DCAF4: variants seen among roughly 807,000 people sequenced by gnomAD.
The protein encoded by DCAF4 is DDB1 and CUL4 associated factor 4.
DCAF4 carries 37 observed loss-of-function variants against 60.9 expected under a neutral mutation model. That is an observed-to-expected ratio of 0.61 (90% CI 0.47 to 0.80). The LOEUF is 0.80. DCAF4 is among the 30% of genes least tolerant of loss of function. The probability of loss-of-function intolerance (pLI) is 0.00; values close to 1 mark genes in which losing one functional copy is unlikely to be tolerated. For synonymous variants in DCAF4, 243 were observed against 254.8 expected (o/e 0.95, Z 0.44); for missense variants, 577 against 650.0 (o/e 0.89, Z 1.22).
rs565229070 is a variant in DCAF4, at chr14:72,928,187, C to CTTTTTTTTTTTTTTTTTTTTTTTT, written c.-9+1667_-9+1668insTTTTTTTTTTTTTTTTTTTTTTTT. 8.6e-4 allele frequency among the ~76,000 whole-genome samples: 58 copies of CTTTTTTTTTTTTTTTTTTTTTTTT among 67,270 alleles called. 7 individuals are homozygous for CTTTTTTTTTTTTTTTTTTTTTTTT. The highest frequency in any genetic ancestry group is 2.9e-3 in the African/African-American group (44 of 15,102). The allele number at this position is 67,270 out of a possible 152,430, so 44.1% of individuals were successfully genotyped here. A position where few individuals can be genotyped will look rare whatever the true frequency, so the allele number is the denominator to read the frequency against. Reference sequence around the variant, plus strand: ...CCCGCTAGTCTACAGAATCCCCCCACTTTTTTTTTTTTTTTTTTTTTTTGA... The same window carrying CTTTTTTTTTTTTTTTTTTTTTTTT: ...CCCGCTAGTCTACAGAATCCCCCCACTTTTTTTTTTTTTTTTTTTTTTTTTTTTTTTTTTTTTTTTTTTTTTTGA... On this transcript the variant is annotated intron_variant, in intron 1 of 13. Transcript: ENST00000358377.
chr14:72,943,076 G>A lies in DCAF4; in HGVS notation c.514G>A (p.Asp172Asn). 1 of 1,614,124 alleles carries A rather than the reference G, an allele frequency of 6.2e-7. No individual in the cohort carries two copies. Among genetic ancestry groups the A allele is most frequent in the Non-Finnish European group, 8.5e-7 (1 of 1,180,006 alleles). The change falls in exon 6 of 14, where the codon GAC (aspartate) becomes AAC (asparagine). Residue 172 changes from aspartate (D) to asparagine (N), a missense_variant. Transcript: ENST00000358377. ...CATGGATCCCTCCGCCTTGGCAAGC[G>A]ACCGATTTAACCTCATACTGGTGAG... ...RSMDPSALAS[D>N]RFNLILADTN...
chr14:72,960,157 A>T (rs1179961113), downstream of DCAF4, among the ~76,000 whole-genome samples: 10 of 143,960 alleles, frequency 6.9e-5, no homozygotes, highest in Admixed American at 5.6e-4. Flanking sequence ...AAAGAACCAA[A>T]TTTTTTTTTT....
At chr14:72,929,490 A>C in intron 1 of DCAF4, 3 of 642,278 alleles carry the variant, frequency 4.7e-6, no homozygotes, top group East Asian at 5.6e-5. Context: ...GGAGGCCAGA[A>C]ATTCGAGACC....
At chr14:72,954,019 C>G (rs1891935026) in intron 9 of DCAF4, 145 bp from the exon 10 acceptor site, 6 of 804,978 alleles carry the variant, frequency 7.5e-6, no homozygotes, top group Non-Finnish European at 1.2e-5. Context: ...AGCTGAGTCT[C>G]TCTTGCAACC....
In DCAF4 at chr14:72,953,763, AG is replaced by A. The variant is rs1176675777; in HGVS notation, c.809-400del. ...TATATATATATATATATATATATAT[AG>A]TTTATTTATTTATTTATTTGTGTGT... On this transcript the variant is annotated intron_variant, in intron 9 of 13. Coordinates refer to ENST00000358377, the MANE Select transcript of DCAF4 (RefSeq NM_015604.4). Among the ~76,000 whole-genome samples, 171 of 38,106 alleles carry A rather than the reference AG, an allele frequency of 4.5e-3. 15 individuals carry two copies. The highest frequency in any genetic ancestry group is 0.015 in the African/African-American group (158 of 10,546). 25.0% of individuals were successfully genotyped at this position (38,106 alleles called of 152,430 possible). A position where few individuals can be genotyped will look rare whatever the true frequency, so the allele number is the denominator to read the frequency against.
In DCAF4 at chr14:72,954,197, G is replaced by C. The variant is rs147365709; in HGVS notation, c.842G>C (p.Arg281Pro). Residue 281 changes from arginine (R) to proline (P), a missense_variant, in exon 10 of 14, where the codon CGG becomes CCG. Arg to Pro is a moderately radical substitution (Grantham distance 103, BLOSUM62 -2). Coordinates refer to ENST00000358377, the MANE Select transcript of DCAF4 (RefSeq NM_015604.4). ...CGGCCTGGCATGCTCTGCAGTTTCCGGATCCCTGGTGCCTGGTCCTGTGCC... is the reference window on the plus strand; with the variant it reads ...CGGCCTGGCATGCTCTGCAGTTTCCCGATCCCTGGTGCCTGGTCCTGTGCC... ...IDRPGMLCSF[R>P]IPGAWSCAWS... 1.2e-6 allele frequency: 2 copies of C among 1,614,114 alleles called. No homozygotes were observed. The highest frequency in any genetic ancestry group is 1.7e-6 in the Non-Finnish European group (2 of 1,180,020).
rs1892001609 is a variant in DCAF4, at chr14:72,954,460, T to C, written c.982T>C (p.Leu328=). ...GTCCTTTGGGACCAACAGTGATGTC[T>C]TGGCCCAGCAGTTTGCTCTCATGGT... is the stretch of plus-strand genomic sequence containing the variant. ...RQSFGTNSDV[L]AQQFALMAPL... is the part of the protein sequence containing the mutation. Residue 328 remains leucine, a synonymous_variant, in exon 11 of 14, where the codon TTG becomes CTG. Coordinates refer to ENST00000358377, the MANE Select transcript of DCAF4 (RefSeq NM_015604.4). 3 of 1,614,130 alleles carry C rather than the reference T, an allele frequency of 1.9e-6. No individual in the cohort carries two copies. In the South Asian group the frequency reaches 3.3e-5, roughly 18 times the overall value.
chr14:72,937,840 C>G, intron 1 of DCAF4, 131 bp from the exon 2 acceptor site: 1 of 1,358,862 alleles, frequency 7.4e-7, no homozygotes, highest in Non-Finnish European at 9.5e-7. Context: ...CTTGCTGTGG[C>G]AAATCTGATG....
chr14:72,960,157 A>ATTT (rs34676562), downstream of DCAF4, among the ~76,000 whole-genome samples: 7 of 143,960 alleles, frequency 4.9e-5, no homozygotes, highest in African/African-American at 1.3e-4. Flanking sequence ...AAAGAACCAA[A>ATTT]TTTTTTTTTT....
chr14:72,961,843 C>T (rs1381604763), downstream of DCAF4: 2 of 1,069,090 alleles, frequency 1.9e-6, no homozygotes, highest in East Asian at 7.6e-5. Flanking sequence ...TCTCTCCTTG[C>T]CCCCAAGGGC....
intron 1 of DCAF4, among the ~76,000 whole-genome samples, chr14:72,934,025 A>G (rs1450110424): frequency 2.0e-5 from 3 of 151,938 alleles, no homozygotes; most frequent in Admixed American, 1.3e-4. Context: ...CACTCCTCGC[A>G]CACCCAGAGT....
At chr14:72,936,262 G>A (rs979919879) in intron 1 of DCAF4, among the ~76,000 whole-genome samples, 1 of 152,084 alleles carries the variant, frequency 6.6e-6, no homozygotes, top group Non-Finnish European at 1.5e-5. Context: ...TTAGGACAAT[G>A]AATAAGATAA....
intron 5 of DCAF4, chr14:72,942,329 T>A (rs1023486086): frequency 1.9e-5 from 3 of 155,994 alleles, no homozygotes; most frequent in African/African-American, 7.2e-5. Context: ...AGTGATTTGC[T>A]CAAGGTAAAG....
intron 2 of DCAF4, among the ~76,000 whole-genome samples, chr14:72,939,463 A>G (rs1889728369): frequency 6.6e-6 from 1 of 152,238 alleles, no homozygotes; most frequent in African/African-American, 2.4e-5. Flanking sequence ...GTGCTGACAA[A>G]TGAGCCCAGC....
chr14:72,935,335 A>G (rs1594740376), intron 1 of DCAF4: 1 of 151,048 alleles, frequency 6.6e-6, no homozygotes, highest in African/African-American at 2.4e-5. Flanking sequence ...GCTCACTGCA[A>G]CCTCCGCCAC....
chr14:72,947,589 G>A (rs1327945900), intron 8 of DCAF4, among the ~76,000 whole-genome samples: 1 of 152,228 alleles, frequency 6.6e-6, no homozygotes, highest in Non-Finnish European at 1.5e-5. Flanking sequence ...CCGGAGGGCT[G>A]GTGTGGTAGC....
At chr14:72,941,353 A>C (rs961298464) in intron 4 of DCAF4, among the ~76,000 whole-genome samples, 7 of 152,228 alleles carry the variant, frequency 4.6e-5, no homozygotes, top group African/African-American at 1.7e-4. Context: ...ACAGGTCTAG[A>C]CGCTAACATA....
intron 1 of DCAF4, among the ~76,000 whole-genome samples, chr14:72,934,524 A>G (rs1303457161): frequency 2.0e-5 from 3 of 152,146 alleles, no homozygotes; most frequent in Non-Finnish European, 4.4e-5. Flanking sequence ...TGCTGACCTC[A>G]GGTGATCTGC....
intron 1 of DCAF4, among the ~76,000 whole-genome samples, chr14:72,927,488 G>A (rs748167200): frequency 8.8e-4 from 134 of 151,988 alleles, no homozygotes; most frequent in African/African-American, 2.9e-3. Context: ...CGTAGCTGGG[G>A]CTACAGGCGA....
Sources: gnomAD v4.1 joint callset for allele counts (sites outside exome capture counted in the v4.1 genomes callset) on GRCh38, gnomAD v4.1.1 for gene constraint, MANE v1.5 for transcripts, NCBI Gene and HGNC (gene_info 2026-07-23, HGNC 2026-07-21) for gene names.